MIOS: variants seen among roughly 807,000 people sequenced by gnomAD.
MIOS encodes the protein meiosis regulator for oocyte development.
A neutral mutation model predicts 96.9 loss-of-function variants in MIOS; 52 were observed. The observed-to-expected ratio is 0.54, with a 90% CI of 0.43 to 0.68. The LOEUF (loss-of-function observed/expected upper bound fraction) is 0.68, where lower values mean the gene tolerates loss of function less well. MIOS is among the 30% of genes least tolerant of loss of function. The pLI is 0.00. For missense variants in MIOS, 1,005 were observed against 1,052.8 expected, an observed-to-expected ratio of 0.95 and a Z score of 0.63; for synonymous variants, 397 against 359.5, an observed-to-expected ratio of 1.10 and a Z score of -1.18.
At chr7:7,574,329 A>T (rs1199554710) in intron 5 of MIOS, 133 bp downstream of exon 5, 2 of 605,990 alleles carry the variant, frequency 3.3e-6, no homozygotes, top group Admixed American at 6.9e-5. Flanking sequence ...TTCTGATTGG[A>T]TATTTCATTG....
chr7:7,568,001 C>T (rs1783203241), intron 2 of MIOS, 25 bp from the exon 3 acceptor site: 1 of 148,454 alleles, frequency 6.7e-6, no homozygotes, highest in African/African-American at 2.4e-5. Context: ...AATCATATGG[C>T]TCACACTGTA....
chr7:7,576,008 A>C (rs1477483971), intron 5 of MIOS, among the ~76,000 whole-genome samples: 5 of 152,118 alleles, frequency 3.3e-5, no homozygotes, highest in Admixed American at 6.6e-5. Context: ...CTTTTCCTCT[A>C]ATTGTATCTC....
intron 7 of MIOS, 33 bp downstream of exon 7, chr7:7,585,838 G>C: frequency 1.3e-6 from 2 of 1,541,462 alleles, no homozygotes; most frequent in Non-Finnish European, 1.8e-6. Context: ...ATCTTCCTTT[G>C]AATTAAGATA....
In MIOS at chr7:7,583,172, T is replaced by A; in HGVS notation, c.1448T>A (p.Ile483Asn). 1.2e-6 allele frequency: 2 copies of A among 1,614,158 alleles called. No homozygotes were observed. Among genetic ancestry groups the A allele is most frequent in the East Asian group, 2.2e-5 (1 of 44,874 alleles). ...NWSGLDKQSD[I>N]QNLNEERILA... ...AGTGGGTTGGATAAGCAAAGTGATATTCAAAATTTAAATGAAGAGAGAATC... is the reference window on the plus strand; with the variant it reads ...AGTGGGTTGGATAAGCAAAGTGATAATCAAAATTTAAATGAAGAGAGAATC... Residue 483 changes from isoleucine (I) to asparagine (N), a missense_variant, in exon 6 of 13, where the codon ATT (isoleucine) becomes AAT (asparagine). By Grantham distance (149) the Ile-to-Asn change is moderately radical (BLOSUM62 -3). Around this residue, in one of 3 missense-constraint regions of MIOS, gnomAD observed 865 missense variants for 887.9 expected, o/e 0.97. Transcript: ENST00000340080.
intron 3 of MIOS, among the ~76,000 whole-genome samples, chr7:7,571,696 A>G (rs1783360137): frequency 6.6e-6 from 1 of 152,142 alleles, no homozygotes; most frequent in Non-Finnish European, 1.5e-5. Flanking sequence ...TTCCCCACAC[A>G]CAATGACTTT....
intron 7 of MIOS, among the ~76,000 whole-genome samples, chr7:7,586,467 C>G (rs1171556513): frequency 6.6e-6 from 1 of 152,096 alleles, no homozygotes; most frequent in Non-Finnish European, 1.5e-5. Flanking sequence ...GGGTTTTAAG[C>G]TAAACAATAG....
intron 6 of MIOS, among the ~76,000 whole-genome samples, chr7:7,585,413 C>A (rs1783853468): frequency 1.4e-5 from 2 of 144,968 alleles, no homozygotes; most frequent in Admixed American, 6.8e-5. Flanking sequence ...CCCAAACCCC[C>A]CCCTTTTTTT....
chr7:7,598,892 A>T (rs930066314), intron 11 of MIOS, among the ~76,000 whole-genome samples: 1 of 152,094 alleles, frequency 6.6e-6, no homozygotes, highest in African/African-American at 2.4e-5. Flanking sequence ...ACATTTTTCC[A>T]TATTTGTTAT....
At chr7:7,582,672 A>G (rs1394054738) in intron 5 of MIOS, 1 of 946,616 alleles carries the variant, frequency 1.1e-6, no homozygotes, top group Non-Finnish European at 1.3e-6. Context: ...TGGATTTCAG[A>G]CAGTAGGGAT....
intron 11 of MIOS, among the ~76,000 whole-genome samples, chr7:7,597,144 G>A (rs1351839101): frequency 5.3e-5 from 8 of 151,870 alleles, no homozygotes. Flanking sequence ...GGCAAACATC[G>A]TGAAACCTCG....
Position 7,583,180 on chromosome 7 carries a change from T to G in MIOS, c.1456T>G (p.Leu486Val). The G allele has an allele frequency of 6.2e-7, 1 of 1,614,078 alleles. No individual in the cohort carries two copies. Among genetic ancestry groups the G allele is most frequent in the Non-Finnish European group, 8.5e-7 (1 of 1,179,960 alleles). ...GGATAAGCAAAGTGATATTCAAAAT[T>G]TAAATGAAGAGAGAATCTTAGCTTT... ...GLDKQSDIQN[L>V]NEERILALQL... Residue 486 changes from leucine to valine, a missense_variant, in exon 6 of 13, where the codon TTA becomes GTA. Transcript: ENST00000340080.
chr7:7,581,006 C>T (rs1783704743), intron 5 of MIOS, among the ~76,000 whole-genome samples: 1 of 148,452 alleles, frequency 6.7e-6, no homozygotes, highest in Middle Eastern at 3.4e-3. Flanking sequence ...TCTTAAAAAT[C>T]ATTTAGTCTG....
chr7:7,607,169 C>A lies in MIOS; in HGVS notation c.*77C>A. 9.3e-7 allele frequency: 1 copy of A among 1,072,676 alleles called. No homozygotes were observed. The highest frequency in any genetic ancestry group is 1.4e-6 in the Non-Finnish European group (1 of 727,272). The allele number at this position is 1,072,676 out of a possible 1,614,324, so 66.4% of individuals were successfully genotyped here. A position where few individuals can be genotyped will look rare whatever the true frequency, so the allele number is the denominator to read the frequency against. ...TCCTTCATAGCTCAGAAACATACCT[C>A]AGAACAAGCCATTCATGACTTACCT... On this transcript the variant is annotated 3_prime_UTR_variant, in exon 13 of 13. Coordinates refer to ENST00000340080, the MANE Select transcript of MIOS (RefSeq NM_019005.4).
intron 9 of MIOS, among the ~76,000 whole-genome samples, chr7:7,592,876 C>G (rs968176900): frequency 3.9e-5 from 6 of 152,250 alleles, no homozygotes; most frequent in African/African-American, 1.4e-4. Context: ...GGCTGTGGAC[C>G]TGGGGGTATA....
Position 7,605,937 on chromosome 7 carries a change from C to T in MIOS, c.2402-5C>T. The T allele has an allele frequency of 6.8e-6, 11 of 1,612,230 alleles. No individual in the cohort carries two copies. Among genetic ancestry groups the T allele is most frequent in the Non-Finnish European group, 9.3e-6 (11 of 1,178,790 alleles). On this transcript the variant is annotated splice_polypyrimidine_tract_variant and splice_region_variant and intron_variant, in intron 11 of 12. Coordinates refer to ENST00000340080, the MANE Select transcript of MIOS (RefSeq NM_019005.4). ...GTTAATGAAGATCATTTTATTTTGT[C>T]ATAGGAGGAACCAAATCAGATGAAA...
In MIOS at chr7:7,595,074, G is replaced by A; in HGVS notation, c.2138G>A (p.Arg713Gln). 1 of 1,613,990 alleles carries A rather than the reference G, an allele frequency of 6.2e-7. No homozygotes were observed. Among genetic ancestry groups the A allele is most frequent in the Non-Finnish European group, 8.5e-7 (1 of 1,179,940 alleles). ...GATGCCTGGAGGTTTTGGCATAAAC[G>A]AGCTGAATTTGATATTCACAGGAGT... ...LLDAWRFWHK[R>Q]AEFDIHRSKL... The change falls in exon 10 of 13, where the codon CGA becomes CAA. Residue 713 changes from arginine (R) to glutamine (Q), a missense_variant. By Grantham distance (43) the Arg-to-Gln change is conservative (BLOSUM62 1). Around this residue, in one of 3 missense-constraint regions of MIOS, gnomAD observed 865 missense variants for 887.9 expected, o/e 0.97. Coordinates refer to ENST00000340080, the MANE Select transcript of MIOS (RefSeq NM_019005.4).
chr7:7,583,338 C>G lies in MIOS; in HGVS notation c.1614C>G (p.Ile538Met), dbSNP rs529813614. ...TCAACTTGGATATTCGCCGAGCAAT[C>G]CAAATCCTGAATGAAGGGGCATCTT... Reference protein sequence around the residue: ...ALFNLDIRRAIQILNEGASSE... With the variant: ...ALFNLDIRRAMQILNEGASSE... The change falls in exon 6 of 13, where the codon ATC becomes ATG. Residue 538 changes from isoleucine to methionine, a missense_variant. Ile to Met is a conservative substitution (Grantham distance 10). Around this residue, in one of 3 missense-constraint regions of MIOS, gnomAD observed 865 missense variants for 887.9 expected, o/e 0.97. Coordinates refer to ENST00000340080, the MANE Select transcript of MIOS (RefSeq NM_019005.4). 1.9e-6 allele frequency: 3 copies of G among 1,611,350 alleles called. No homozygotes were observed. The highest frequency in any genetic ancestry group is 1.1e-5 in the South Asian group (1 of 90,650).
At chr7:7,602,853 T>C (rs997852126) in intron 11 of MIOS, among the ~76,000 whole-genome samples, 3 of 152,130 alleles carry the variant, frequency 2.0e-5, no homozygotes, top group African/African-American at 4.8e-5. Flanking sequence ...AACAGCATGG[T>C]ACTGGTACCA....
intron 11 of MIOS, among the ~76,000 whole-genome samples, chr7:7,604,374 C>G (rs1455836510): frequency 1.3e-5 from 2 of 152,064 alleles, no homozygotes; most frequent in African/African-American, 4.8e-5. Flanking sequence ...TATTTTTATA[C>G]TCAATTGTGC....
Sources: gnomAD v4.1 joint callset for allele counts (sites outside exome capture counted in the v4.1 genomes callset) on GRCh38, gnomAD v4.1.1 for gene constraint, gnomAD v4.1.1 regional missense constraint, MANE v1.5 for transcripts, NCBI Gene and HGNC (gene_info 2026-07-23, HGNC 2026-07-21) for gene names.